Variants in ZFYVE9 observed in about 807,000 individuals in gnomAD.
The protein encoded by ZFYVE9 is zinc finger FYVE-type containing 9, also known as zinc finger FYVE domain-containing protein 9.
In ZFYVE9, 43 loss-of-function variants were observed where a neutral mutation model predicts 126.7. That is an observed-to-expected ratio of 0.34 (90% CI 0.27 to 0.44). The LOEUF (loss-of-function observed/expected upper bound fraction) is 0.44, where lower values mean the gene tolerates loss of function less well. Among genes scored for constraint, ZFYVE9 ranks in the 20% least tolerant of loss-of-function variants. The probability of loss-of-function intolerance (pLI) is 1.00; values close to 1 mark genes in which losing one functional copy is unlikely to be tolerated. For synonymous variants in ZFYVE9, 521 were observed against 597.4 expected (o/e 0.87, Z 1.87); for missense variants, 1,476 against 1,697.0 (o/e 0.87, Z 2.29).
intron 1 of ZFYVE9, among the ~76,000 whole-genome samples, chr1:52,163,864 A>G (rs561250118): frequency 6.6e-6 from 1 of 152,304 alleles, no homozygotes; most frequent in African/African-American, 2.4e-5. Context: ...GCTCTAGGCC[A>G]TGCAATTGGT....
chr1:52,290,266 T>C lies in ZFYVE9; in HGVS notation c.3026-3187T>C, dbSNP rs1031103783. ...GAATGTGCATGTGCGTGAGGGCATG[T>C]GTATAAGGGAGGGCAAACTTGTCCT... On this transcript the variant is annotated intron_variant, in intron 10 of 18. Transcript: ENST00000287727. Among the ~76,000 whole-genome samples the C allele has an allele frequency of 1.4e-4, 21 of 152,258 alleles. No individual in the cohort carries two copies. In the South Asian group the frequency reaches 4.1e-3, roughly 30 times the overall value.
At chr1:52,146,293 CAG>C (rs1644306082) in intron 1 of ZFYVE9, among the ~76,000 whole-genome samples, 1 of 152,190 alleles carries the variant, frequency 6.6e-6, no homozygotes, top group East Asian at 1.9e-4. Flanking sequence ...TCCACAGATA[CAG>C]AGAGACAACT....
At chr1:52,219,504 A>G (rs953591637) in intron 2 of ZFYVE9, among the ~76,000 whole-genome samples, 1 of 151,884 alleles carries the variant, frequency 6.6e-6, no homozygotes, top group Non-Finnish European at 1.5e-5. Context: ...GGTCCTTCCC[A>G]GGTTGGTTCA....
intron 7 of ZFYVE9, among the ~76,000 whole-genome samples, chr1:52,272,673 C>CTTTTTTTTTTTTTTTTTTTTTTTTTTTT (rs58857376): frequency 1.6e-5 from 2 of 121,286 alleles, no homozygotes; most frequent in East Asian, 2.4e-4. Context: ...TAGAAATAAT[C>CTTTTTTTTTTTTTTTTTTTTTTTTTTTT]TTTTTTTTTT....
chr1:52,300,050 G>A (rs1013232908), intron 12 of ZFYVE9, among the ~76,000 whole-genome samples: 3 of 152,150 alleles, frequency 2.0e-5, no homozygotes, highest in African/African-American at 7.2e-5. Context: ...CTCCTTGCAG[G>A]GAGGCAGTGC....
At chr1:52,270,715 T>A (rs1298670216) in intron 7 of ZFYVE9, among the ~76,000 whole-genome samples, 1 of 152,140 alleles carries the variant, frequency 6.6e-6, no homozygotes, top group African/African-American at 2.4e-5. Flanking sequence ...TAGTTCTCTC[T>A]CTTTTTTAAA....
chr1:52,331,450 T>TA (rs527807876), intron 13 of ZFYVE9, among the ~76,000 whole-genome samples: 1,837 of 136,262 alleles, frequency 0.013, 20 homozygotes, highest in African/African-American at 0.035. Flanking sequence ...CCCTGTCTCT[T>TA]AAAAAAAAAA....
chr1:52,157,885 A>G (rs185480070), intron 1 of ZFYVE9, among the ~76,000 whole-genome samples: 1 of 152,236 alleles, frequency 6.6e-6, no homozygotes, highest in Admixed American at 6.5e-5. Flanking sequence ...TGAACTTCTT[A>G]GTGATGCTGG....
At chr1:52,342,186 A>G (rs1468559226) in intron 17 of ZFYVE9, among the ~76,000 whole-genome samples, 1 of 152,064 alleles carries the variant, frequency 6.6e-6, no homozygotes, top group Non-Finnish European at 1.5e-5. Context: ...CTCTCAGTGT[A>G]AGTTCCTTAT....
intron 1 of ZFYVE9, among the ~76,000 whole-genome samples, chr1:52,182,019 G>A (rs868146703): frequency 8.6e-5 from 13 of 151,634 alleles, no homozygotes; most frequent in South Asian, 2.1e-4. Context: ...CCCACCGCCC[G>A]GCCAGCCGCC....
intron 1 of ZFYVE9, among the ~76,000 whole-genome samples, chr1:52,208,692 CCTGA>C (rs923305534): frequency 1.3e-5 from 2 of 152,034 alleles, no homozygotes; most frequent in Admixed American, 6.6e-5. Context: ...CACCACCATG[CCTGA>C]CTAATTTTGT....
Position 52,346,345 on chromosome 1 carries a change from G to T in ZFYVE9, c.*124G>T. The stretch of plus-strand genomic sequence containing the variant: ...CACTATTAATGGGGTGGGGAATAGG[G>T]TGGGAGTGGGGGTTTGGGAGACGGG... On this transcript the variant is annotated 3_prime_UTR_variant, in exon 19 of 19. Transcript: ENST00000287727. The T allele has an allele frequency of 3.3e-6, 3 of 897,690 alleles. No homozygotes were observed. The highest frequency in any genetic ancestry group is 4.8e-6 in the Non-Finnish European group (3 of 631,030). 55.6% of individuals were successfully genotyped at this position (897,690 alleles called of 1,614,324 possible).
At chr1:52,209,998 A>G (rs1468064921) in intron 1 of ZFYVE9, among the ~76,000 whole-genome samples, 1 of 152,182 alleles carries the variant, frequency 6.6e-6, no homozygotes, top group East Asian at 1.9e-4. Flanking sequence ...TCTAGGCAAC[A>G]GAAAGATGGA....
At chr1:52,309,868 C>T (rs544721920) in intron 13 of ZFYVE9, among the ~76,000 whole-genome samples, 8 of 152,090 alleles carry the variant, frequency 5.3e-5, no homozygotes, top group East Asian at 3.9e-4. Flanking sequence ...GTACTTCTGA[C>T]GGCATGGAAA....
At chr1:52,219,878 A>G (rs896009034) in intron 2 of ZFYVE9, among the ~76,000 whole-genome samples, 1 of 150,844 alleles carries the variant, frequency 6.6e-6, no homozygotes, top group African/African-American at 2.4e-5. Flanking sequence ...CCCAGGTTCA[A>G]GCAATTCTCC....
At chr1:52,243,392 A>T (rs182350011) in intron 4 of ZFYVE9, among the ~76,000 whole-genome samples, 1 of 152,256 alleles carries the variant, frequency 6.6e-6, no homozygotes, top group South Asian at 2.1e-4. Flanking sequence ...AGGTTGACAC[A>T]TCAAGGTTGA....
chr1:52,290,217 A>G (rs900761305), intron 10 of ZFYVE9, among the ~76,000 whole-genome samples: 1 of 152,144 alleles, frequency 6.6e-6, no homozygotes, highest in Non-Finnish European at 1.5e-5. Flanking sequence ...CAGAAGGGCA[A>G]ATGGGGTGGG....
intron 8 of ZFYVE9, among the ~76,000 whole-genome samples, chr1:52,275,313 A>G (rs755576869): frequency 1.5e-4 from 23 of 152,016 alleles, no homozygotes; most frequent in African/African-American, 4.6e-4. Context: ...GGTTGATTCT[A>G]TGTCTTTGTT....
chr1:52,315,752 A>G (rs920059034), intron 13 of ZFYVE9, among the ~76,000 whole-genome samples: 6 of 152,244 alleles, frequency 3.9e-5, no homozygotes, highest in African/African-American at 9.6e-5. Context: ...AAATCCAGCC[A>G]TATTAAAAAA....
Sources: gnomAD v4.1 joint callset for allele counts (sites outside exome capture counted in the v4.1 genomes callset) on GRCh38, gnomAD v4.1.1 for gene constraint, MANE v1.5 for transcripts, NCBI Gene and HGNC (gene_info 2026-07-23, HGNC 2026-07-21) for gene names.